The following BRINP3 variants were observed in gnomAD, a reference collection of about 807,000 sequenced individuals.
BRINP3 encodes BMP/retinoic acid-inducible neural-specific protein 3.
In BRINP3, 19 loss-of-function variants were observed where a neutral mutation model predicts 71.0. That is an observed-to-expected ratio of 0.27 (90% CI 0.19 to 0.39). The LOEUF is 0.39. Among genes scored for constraint, BRINP3 ranks in the 10% least tolerant of loss-of-function variants. BRINP3 has a pLI of 1.00. For synonymous variants in BRINP3, 380 were observed against 337.7 expected, an observed-to-expected ratio of 1.13 and a Z score of -1.37; for missense variants, 959 against 940.8, an observed-to-expected ratio of 1.02 and a Z score of -0.25.
At chr1:190,402,301 G>C (rs1671979843) in intron 2 of BRINP3, among the ~76,000 whole-genome samples, 1 of 151,886 alleles carries the variant, frequency 6.6e-6, no homozygotes, top group Admixed American at 6.6e-5. Flanking sequence ...TGAAAGTATA[G>C]GACATCTTCA....
At chr1:190,292,295 A>C (rs1027433397) in intron 2 of BRINP3, among the ~76,000 whole-genome samples, 1 of 152,114 alleles carries the variant, frequency 6.6e-6, no homozygotes, top group African/African-American at 2.4e-5. Flanking sequence ...GCAAACCTAA[A>C]ATACTGATGA....
intron 6 of BRINP3, among the ~76,000 whole-genome samples, chr1:190,182,736 T>C (rs1653139706): frequency 6.6e-6 from 1 of 152,054 alleles, no homozygotes; most frequent in Non-Finnish European, 1.5e-5. Context: ...CAGATAATAT[T>C]TAGCATGAGG....
chr1:190,329,156 A>G (rs1571762916), intron 2 of BRINP3, among the ~76,000 whole-genome samples: 1 of 152,190 alleles, frequency 6.6e-6, no homozygotes, highest in Non-Finnish European at 1.5e-5. Flanking sequence ...TCAGCATGAT[A>G]CTGGAAGTGG....
chr1:190,139,958 G>T (rs371894191), intron 7 of BRINP3, among the ~76,000 whole-genome samples: 1 of 152,066 alleles, frequency 6.6e-6, no homozygotes, highest in Non-Finnish European at 1.5e-5. Context: ...GAATAAATAC[G>T]ATAAAAATGT....
chr1:190,434,484 C>T (rs1048967728), intron 2 of BRINP3, among the ~76,000 whole-genome samples: 20 of 151,870 alleles, frequency 1.3e-4, no homozygotes, highest in African/African-American at 4.8e-4. Context: ...CCATAAGACT[C>T]TTTTACTTTC....
At chr1:190,104,860 C>T (rs537836045) in intron 7 of BRINP3, among the ~76,000 whole-genome samples, 1 of 152,180 alleles carries the variant, frequency 6.6e-6, no homozygotes, top group East Asian at 1.9e-4. Flanking sequence ...CCTTCTAATC[C>T]TTTATTGCTC....
chr1:190,341,449 T>C (rs1667649134), intron 2 of BRINP3, among the ~76,000 whole-genome samples: 1 of 151,866 alleles, frequency 6.6e-6, no homozygotes. Context: ...CAGTGTGTGT[T>C]CCCTGGTACA....
rs1020074855 is a variant in BRINP3, at chr1:190,303,703, G to A, written c.237-21953C>T. Among the ~76,000 whole-genome samples, 9 of 151,792 alleles carry A rather than the reference G, an allele frequency of 5.9e-5. No individual in the cohort carries two copies. The East Asian group carries it at 1.5e-3, about 26-fold the overall frequency. On this transcript the variant is annotated intron_variant, in intron 2 of 7. Coordinates refer to ENST00000367462, the MANE Select transcript of BRINP3 (RefSeq NM_199051.3). The stretch of plus-strand genomic sequence containing the variant: ...AGTCAGTAAAGCCAGAAGTCCAGAT[G>A]GCACTGAATTCACTCAACTAAAATT...
chr1:190,195,010 C>A (rs2102588259), intron 6 of BRINP3, among the ~76,000 whole-genome samples: 1 of 152,114 alleles, frequency 6.6e-6, no homozygotes, highest in East Asian at 1.9e-4. Flanking sequence ...ATTTCCTTTT[C>A]ATGCTTTCTT....
intron 7 of BRINP3, among the ~76,000 whole-genome samples, chr1:190,146,611 A>G (rs898129874): frequency 8.5e-5 from 13 of 152,136 alleles, no homozygotes; most frequent in African/African-American, 2.9e-4. Context: ...TAATTTGGTA[A>G]GGAAAGTATT....
intron 7 of BRINP3, among the ~76,000 whole-genome samples, chr1:190,121,625 T>C (rs1342920): frequency 0.58 from 88,291 of 152,024 alleles, 26,451 homozygotes; most frequent in African/African-American, 0.74. Flanking sequence ...TTAGTTTCCA[T>C]ATGGAAACCT....
intron 2 of BRINP3, among the ~76,000 whole-genome samples, chr1:190,356,777 A>T (rs1668760781): frequency 6.6e-6 from 1 of 152,078 alleles, no homozygotes; most frequent in Non-Finnish European, 1.5e-5. Flanking sequence ...AGACATAGAC[A>T]TCTGTGGGGA....
At chr1:190,121,817 G>T (rs1490212753) in intron 7 of BRINP3, among the ~76,000 whole-genome samples, 1 of 152,028 alleles carries the variant, frequency 6.6e-6, no homozygotes, top group Non-Finnish European at 1.5e-5. Flanking sequence ...TATATGGAAT[G>T]AATCAATACA....
intron 6 of BRINP3, chr1:190,216,827 G>C (rs768216293): frequency 2.6e-5 from 4 of 151,828 alleles, no homozygotes; most frequent in Non-Finnish European, 5.9e-5. Flanking sequence ...AATGCACTCT[G>C]ACACACTTCA....
chr1:190,374,144 T>A (rs1182794344), intron 2 of BRINP3, among the ~76,000 whole-genome samples: 1 of 152,060 alleles, frequency 6.6e-6, no homozygotes, highest in Non-Finnish European at 1.5e-5. Context: ...GTGAGATGTG[T>A]ATGTACACAT....
intron 6 of BRINP3, among the ~76,000 whole-genome samples, chr1:190,210,365 C>A (rs1655879930): frequency 6.6e-6 from 1 of 152,012 alleles, no homozygotes. Flanking sequence ...ATCAAAGTCA[C>A]TTTTTGTTTT....
chr1:190,133,528 A>G (rs1298950774), intron 7 of BRINP3, among the ~76,000 whole-genome samples: 1 of 152,110 alleles, frequency 6.6e-6, no homozygotes, highest in Non-Finnish European at 1.5e-5. Flanking sequence ...ATGGATTAAA[A>G]AAAGTATGAT....
rs145152122 is a variant in BRINP3, at chr1:190,242,526, A to T, written c.619-8049T>A. On this transcript the variant is annotated intron_variant, in intron 4 of 7. Coordinates refer to ENST00000367462, the MANE Select transcript of BRINP3 (RefSeq NM_199051.3). ...CATTCAGTGCAAGGGAACTTATACC[A>T]CTGTTGAATTATGCATCTATGCAAA... Among the ~76,000 whole-genome samples, 376 of 152,238 alleles carry T rather than the reference A, an allele frequency of 2.5e-3. 1 individual carries two copies. The highest frequency in any genetic ancestry group is 8.8e-3 in the African/African-American group (365 of 41,578).
At chr1:190,385,284 T>G (rs867102888) in intron 2 of BRINP3, among the ~76,000 whole-genome samples, 16 of 151,776 alleles carry the variant, frequency 1.1e-4, no homozygotes, top group African/African-American at 3.6e-4. Flanking sequence ...ACCATCAGAG[T>G]GAACAGACAG....
Sources: allele counts gnomAD v4.1 joint callset (sites outside exome capture counted in the v4.1 genomes callset), GRCh38; gene constraint gnomAD v4.1.1; transcripts MANE v1.5; gene names NCBI Gene and HGNC (gene_info 2026-07-23, HGNC 2026-07-21).